Variants in TLR6 observed in about 807,000 individuals in gnomAD.
TLR6 encodes toll like receptor 6.
Under a neutral mutation model 16.1 loss-of-function variants are expected in TLR6, and 9 were observed. The observed-to-expected ratio is 0.56, with a 90% CI of 0.34 to 0.98. The LOEUF (loss-of-function observed/expected upper bound fraction) is 0.98, where lower values mean the gene tolerates loss of function less well. Ranked by LOEUF, TLR6 falls within the 50% of genes least tolerant of loss-of-function variation. The pLI, the probability that TLR6 is intolerant of heterozygous loss-of-function variation, is 0.02. For synonymous variants in TLR6, 340 were observed against 338.6 expected (o/e 1.00, Z -0.04); for missense variants, 786 against 921.0 (o/e 0.85, Z 1.90).
chr4:38,826,841 T>C, exon 2 of TLR6: 1 of 346,802 alleles, frequency 2.9e-6, no homozygotes, highest in Non-Finnish European at 5.2e-6. Context: ...ACTGAGCATT[T>C]ACTCAAAAGA....
chr4:38,853,162 T>C (rs144716806), intron 1 of TLR6, among the ~76,000 whole-genome samples: 31,330 of 139,156 alleles, frequency 0.23, 4,037 homozygotes, highest in Non-Finnish European at 0.28. Flanking sequence ...TTCTCACTCA[T>C]AGGTGGGAAA....
At chr4:38,829,925 C>T (rs894185059) in intron 1 of TLR6, among the ~76,000 whole-genome samples, 2 of 152,154 alleles carry the variant, frequency 1.3e-5, no homozygotes, top group Admixed American at 1.3e-4. Context: ...ACAGAGGGGG[C>T]AAGCAGCAGA....
rs1560262204 is a variant in TLR6 at position 38,828,249 on chromosome 4, C to CT, written c.1224_1225insA (p.Asp409ArgfsTer3). ...GATTCCAAAGAATTCCAGCTAACAT[C>CT]CAGTATTTCCAAAGAAGGCATATCC... On this transcript the variant is annotated frameshift_variant, in exon 2 of 2. Coordinates refer to ENST00000436693, the Ensembl canonical transcript of TLR6. LOFTEE classifies it low-confidence loss of function (END_TRUNC). 1 of 1,613,520 alleles carries CT rather than the reference C, an allele frequency of 6.2e-7. No homozygotes were observed. The highest frequency in any genetic ancestry group is 2.2e-5 in the East Asian group (1 of 44,866).
chr4:38,849,882 C>T (rs554324720), intron 1 of TLR6, among the ~76,000 whole-genome samples: 143 of 152,220 alleles, frequency 9.4e-4, no homozygotes, highest in African/African-American at 3.0e-3. Flanking sequence ...CTGCACCAAG[C>T]GAACCTAATA....
chr4:38,831,170 G>C (rs1269385079), intron 1 of TLR6, among the ~76,000 whole-genome samples: 1 of 151,952 alleles, frequency 6.6e-6, no homozygotes, highest in Non-Finnish European at 1.5e-5. Flanking sequence ...CCAGAATACA[G>C]AGCTTAGAAA....
the TLR6 span, among the ~76,000 whole-genome samples, chr4:38,862,621 A>T: frequency 1.3e-5 from 1 of 76,668 alleles, no homozygotes. Context: ...TTTGAGATGG[A>T]GTTTTGCTCT....
At chr4:38,862,283 AT>A in the TLR6 span, among the ~76,000 whole-genome samples, 36 of 151,228 alleles carry the variant, frequency 2.4e-4, no homozygotes, top group South Asian at 4.2e-4. Flanking sequence ...TTCCAATCAC[AT>A]TTTTTTTTAT....
In TLR6 at chr4:38,841,250, A is replaced by T. The variant is rs142005302; in HGVS notation, c.-64-11713T>A. 4.3e-3 allele frequency among the ~76,000 whole-genome samples: 652 copies of T among 152,330 alleles called. 6 individuals are homozygous for T. The highest frequency in any genetic ancestry group is 0.014 in the African/African-American group (601 of 41,566). On this transcript the variant is annotated intron_variant, in intron 1 of 1. Coordinates refer to ENST00000436693, the Ensembl canonical transcript of TLR6. ...AACGTTGACTCCATAAAAGTACATT[A>T]TCACAACATTGACTTTGTGTGCAAG...
At chr4:38,846,088 CAAAA>C (rs10713614) in intron 1 of TLR6, among the ~76,000 whole-genome samples, 8 of 97,048 alleles carry the variant, frequency 8.2e-5, no homozygotes, top group Non-Finnish European at 6.6e-5. Context: ...CGAGACATCT[CAAAA>C]AAAAAAAAAA....
intron 1 of TLR6, among the ~76,000 whole-genome samples, chr4:38,848,284 C>T (rs1428546364): frequency 2.0e-5 from 3 of 152,156 alleles, no homozygotes; most frequent in South Asian, 2.1e-4. Context: ...CCCATCTGTA[C>T]GTCACCATCA....
At chr4:38,848,297 A>G (rs1234616531) in intron 1 of TLR6, among the ~76,000 whole-genome samples, 1 of 152,222 alleles carries the variant, frequency 6.6e-6, no homozygotes, top group Non-Finnish European at 1.5e-5. Flanking sequence ...CACCATCATC[A>G]AAGACCAAAG....
exon 2 of TLR6, chr4:38,828,880 G>C: frequency 6.2e-7 from 1 of 1,612,852 alleles, no homozygotes; most frequent in Non-Finnish European, 8.5e-7. Flanking sequence ...CAAGGTGAAG[G>C]GTTTTTGCAT....
upstream of TLR6, among the ~76,000 whole-genome samples, chr4:38,857,127 C>G (rs1713020713): frequency 6.6e-6 from 1 of 152,204 alleles, no homozygotes; most frequent in Non-Finnish European, 1.5e-5. Flanking sequence ...TTATTTTAAA[C>G]AGCCTGTTTT....
At chr4:38,834,479 A>G (rs1340261074) in intron 1 of TLR6, among the ~76,000 whole-genome samples, 1 of 152,068 alleles carries the variant, frequency 6.6e-6, no homozygotes, top group Non-Finnish European at 1.5e-5. Context: ...ATGTTTAATG[A>G]AATAATAGCT....
rs377709359 is a variant in TLR6, at chr4:38,834,620, AAGAC to A, written c.-64-5087_-64-5084del. 4.3e-3 allele frequency among the ~76,000 whole-genome samples: 648 copies of A among 152,316 alleles called. 5 individuals are homozygous for A. The highest frequency in any genetic ancestry group is 0.014 in the African/African-American group (599 of 41,578). ...GTCAAACTCTCAAAAGTTGAAGACT[AAGAC>A]AGAATCCTAAAAACAGCAAGAAATA... On this transcript the variant is annotated intron_variant, in intron 1 of 1. Transcript: ENST00000436693.
At chr4:38,847,581 A>C (rs575349272) in intron 1 of TLR6, among the ~76,000 whole-genome samples, 1 of 152,280 alleles carries the variant, frequency 6.6e-6, no homozygotes, top group South Asian at 2.1e-4. Flanking sequence ...GGTCACTCCC[A>C]CCCTAATACC....
chr4:38,823,933 G>C (rs1727421526), exon 2 of TLR6: 1 of 152,368 alleles, frequency 6.6e-6, no homozygotes, highest in African/African-American at 2.4e-5. Context: ...CTGGAGCCGG[G>C]TCGCCCCAGC....
chr4:38,846,472 T>C (rs1406267505), intron 1 of TLR6, among the ~76,000 whole-genome samples: 5 of 151,996 alleles, frequency 3.3e-5, no homozygotes, highest in Non-Finnish European at 5.9e-5. Context: ...AAATTAATGA[T>C]AGAGAAGACC....
intron 1 of TLR6, among the ~76,000 whole-genome samples, chr4:38,853,073 C>T (rs1354444774): frequency 6.6e-6 from 1 of 150,972 alleles, no homozygotes; most frequent in Non-Finnish European, 1.5e-5. Context: ...GAGTTCATGT[C>T]CTTTGTAGGG....
Sources: gnomAD v4.1 joint callset for allele counts (sites outside exome capture counted in the v4.1 genomes callset) on GRCh38, gnomAD v4.1.1 for gene constraint, MANE v1.5 for transcripts, NCBI Gene and HGNC (gene_info 2026-07-23, HGNC 2026-07-21) for gene names.